The following SEM1 variants were observed in gnomAD, a reference collection of about 807,000 sequenced individuals.
SEM1 encodes the protein SEM1 26S proteasome subunit.
SEM1 carries 3 observed loss-of-function variants against 12.7 expected under a neutral mutation model. That is an observed-to-expected ratio of 0.24 (90% CI 0.11 to 0.61). The LOEUF is 0.61. SEM1 is among the 20% of genes least tolerant of loss of function. SEM1 has a pLI of 0.88. For synonymous variants in SEM1, 30 were observed against 27.8 expected (o/e 1.08, Z -0.25); for missense variants, 59 against 81.3 (o/e 0.73, Z 1.06).
intron 2 of SEM1, among the ~76,000 whole-genome samples, chr7:96,569,563 T>C (rs1805953909): frequency 6.6e-6 from 1 of 152,108 alleles, no homozygotes; most frequent in Admixed American, 6.6e-5. Context: ...ATTTTTATTC[T>C]TATAGATACA....
intron 2 of SEM1, among the ~76,000 whole-genome samples, chr7:96,578,737 C>A (rs1426994067): frequency 2.0e-5 from 3 of 152,184 alleles, no homozygotes; most frequent in Non-Finnish European, 2.9e-5. Context: ...TCTTCTGAGA[C>A]AATCCTATTT....
chr7:96,547,069 T>G (rs535982049), intron 2 of SEM1, among the ~76,000 whole-genome samples: 1 of 152,270 alleles, frequency 6.6e-6, no homozygotes, highest in Non-Finnish European at 1.5e-5. Flanking sequence ...GGAAGTCTTT[T>G]CTGAACACCT....
intron 3 of SEM1, among the ~76,000 whole-genome samples, chr7:96,505,891 G>A (rs1351941241): frequency 1.3e-5 from 2 of 152,086 alleles, no homozygotes; most frequent in Non-Finnish European, 2.9e-5. Flanking sequence ...TGAGACCATA[G>A]CAGTTACCCA....
chr7:96,669,538 G>A (rs1195150853), downstream of SEM1, among the ~76,000 whole-genome samples: 2 of 152,160 alleles, frequency 1.3e-5, no homozygotes, highest in Non-Finnish European at 2.9e-5. Flanking sequence ...ACAGGCAGGG[G>A]GCTAGATTTT....
At chr7:96,606,773 T>C (rs184523420) in intron 2 of SEM1, among the ~76,000 whole-genome samples, 2 of 152,310 alleles carry the variant, frequency 1.3e-5, no homozygotes, top group East Asian at 3.9e-4. Flanking sequence ...GGAACCATTA[T>C]CTTGTAGGCA....
At chr7:96,668,257 G>A (rs1181700479) in intron 2 of SEM1, among the ~76,000 whole-genome samples, 8 of 151,830 alleles carry the variant, frequency 5.3e-5, no homozygotes, top group African/African-American at 1.7e-4. Context: ...TGTTTTGTAC[G>A]GCTGTCACTT....
intron 2 of SEM1, among the ~76,000 whole-genome samples, chr7:96,520,731 G>C (rs1377185022): frequency 2.0e-5 from 3 of 152,112 alleles, no homozygotes; most frequent in African/African-American, 4.8e-5. Flanking sequence ...AGAAATAAAA[G>C]GGTATGGTGT....
rs1286977139 is a variant in SEM1 at position 96,598,202 on chromosome 7, A to T, written c.171-91504T>A. ...GTTATCTACCTGCACCCTGAATTTTAAAACTCAAAAAAAGATAATGAACTG... is the reference window on the plus strand; with the variant it reads ...GTTATCTACCTGCACCCTGAATTTTTAAACTCAAAAAAAGATAATGAACTG... On this transcript the variant is annotated intron_variant and NMD_transcript_variant, in intron 2 of 3. Transcript: ENST00000466986. Among the ~76,000 whole-genome samples, 4 of 152,314 alleles carry T rather than the reference A, an allele frequency of 2.6e-5. No homozygotes were observed. In the East Asian group the frequency reaches 7.7e-4, roughly 29 times the overall value.
intron 2 of SEM1, among the ~76,000 whole-genome samples, chr7:96,524,211 A>G (rs1303086667): frequency 6.6e-6 from 1 of 152,064 alleles, no homozygotes; most frequent in Non-Finnish European, 1.5e-5. Context: ...TACATCCGCC[A>G]TTTCATACCT....
intron 2 of SEM1, chr7:96,650,216 T>G: frequency 2.7e-6 from 1 of 374,370 alleles, no homozygotes; most frequent in Non-Finnish European, 4.8e-6. Flanking sequence ...ACAAAAATAT[T>G]TTTTCCTATG....
chr7:96,648,093 T>C (rs930012522), intron 2 of SEM1, among the ~76,000 whole-genome samples: 1 of 152,182 alleles, frequency 6.6e-6, no homozygotes, highest in Non-Finnish European at 1.5e-5. Flanking sequence ...TATTTACATA[T>C]TCACAGGGAA....
intron 1 of SEM1, chr7:96,486,419 TATAAGGGAAG>T (rs1802771684): frequency 6.5e-7 from 1 of 1,536,562 alleles, no homozygotes; most frequent in African/African-American, 1.4e-5. Flanking sequence ...GTTGGAGTCC[TATAAGGGAAG>T]TTGAAGGTAT....
rs527485186 is a variant in SEM1 at position 96,591,008 on chromosome 7, G to A, written c.171-84310C>T. ...GAATACCAGGACCAAGATTTAAAAG[G>A]CAGAAGAAACATTACTTGTTTAGAG... On this transcript the variant is annotated intron_variant and NMD_transcript_variant, in intron 2 of 3. Transcript: ENST00000466986. Among the ~76,000 whole-genome samples the A allele has an allele frequency of 6.6e-5, 10 of 152,258 alleles. No homozygotes were observed. The South Asian group carries it at 2.1e-3, about 32-fold the overall frequency.
At chr7:96,598,712 G>A (rs1807085762) in intron 2 of SEM1, among the ~76,000 whole-genome samples, 1 of 152,100 alleles carries the variant, frequency 6.6e-6, no homozygotes, top group Non-Finnish European at 1.5e-5. Flanking sequence ...GAAGAGTGTA[G>A]AACTACCATG....
chr7:96,544,267 A>T (rs1033781663), intron 2 of SEM1, among the ~76,000 whole-genome samples: 5 of 152,056 alleles, frequency 3.3e-5, no homozygotes, highest in East Asian at 1.9e-4. Context: ...TTAATTTTTT[A>T]AAGTTTTCAT....
At chr7:96,690,050 A>G (rs577557514) in intron 2 of SEM1, among the ~76,000 whole-genome samples, 1 of 152,332 alleles carries the variant, frequency 6.6e-6, no homozygotes, top group South Asian at 2.1e-4. Flanking sequence ...AGGAAAAGCT[A>G]AAAGATTCTG....
intron 2 of SEM1, among the ~76,000 whole-genome samples, chr7:96,568,376 G>A (rs1325711233): frequency 6.6e-6 from 1 of 151,734 alleles, no homozygotes; most frequent in African/African-American, 2.4e-5. Flanking sequence ...AAAAACTTAT[G>A]TTAATGGTTT....
intron 2 of SEM1, among the ~76,000 whole-genome samples, chr7:96,678,930 G>A (rs1344758729): frequency 6.6e-6 from 1 of 152,014 alleles, no homozygotes; most frequent in Non-Finnish European, 1.5e-5. Context: ...AATAGTCTTG[G>A]TCTAGTCCCT....
At chr7:96,595,496 C>T (rs1475345685) in intron 2 of SEM1, among the ~76,000 whole-genome samples, 2 of 151,916 alleles carry the variant, frequency 1.3e-5, no homozygotes, top group Admixed American at 1.3e-4. Flanking sequence ...AGAGTGAGAC[C>T]CCATCTCACA....
Sources: allele counts gnomAD v4.1 joint callset (sites outside exome capture counted in the v4.1 genomes callset), GRCh38; gene constraint gnomAD v4.1.1; transcripts MANE v1.5; gene names NCBI Gene and HGNC (gene_info 2026-07-23, HGNC 2026-07-21).